Variants in MCM5 observed in about 807,000 individuals in gnomAD.
The protein encoded by MCM5 is DNA replication licensing factor MCM5.
In MCM5, 46 loss-of-function variants were observed where a neutral mutation model predicts 79.9. The ratio of observed to expected loss-of-function variants is 0.58; its 90% CI spans 0.45 to 0.74. The LOEUF (loss-of-function observed/expected upper bound fraction) is 0.74. Ranked by LOEUF, MCM5 falls within the 30% of genes least tolerant of loss-of-function variation. The pLI, the probability that MCM5 is intolerant of heterozygous loss-of-function variation, is 0.00. For missense variants in MCM5, 883 were observed against 1,017.0 expected, an observed-to-expected ratio of 0.87 and a Z score of 1.79; for synonymous variants, 404 against 390.5, an observed-to-expected ratio of 1.03 and a Z score of -0.41.
the MCM5 span, among the ~76,000 whole-genome samples, chr22:35,431,337 G>A: frequency 9.2e-5 from 14 of 152,278 alleles, no homozygotes; most frequent in African/African-American, 3.1e-4. Context: ...CCAAACCCAC[G>A]GATGCCCAAC....
At chr22:35,405,997 C>G (rs1038186509) in intron 4 of MCM5, among the ~76,000 whole-genome samples, 3 of 148,868 alleles carry the variant, frequency 2.0e-5, no homozygotes, top group African/African-American at 7.4e-5. Flanking sequence ...GGCGACACAG[C>G]AAGACTCTGT....
intron 5 of MCM5, 121 bp from the exon 6 acceptor site, chr22:35,408,287 A>T: frequency 1.2e-6 from 1 of 858,210 alleles, no homozygotes; most frequent in East Asian, 2.5e-5. Context: ...TCTCCAGCTT[A>T]TTCTGGAGAC....
chr22:35,406,187 G>C (rs1932205833), intron 4 of MCM5, among the ~76,000 whole-genome samples: 1 of 151,878 alleles, frequency 6.6e-6, no homozygotes, highest in South Asian at 2.1e-4. Context: ...TTTGTTCTGT[G>C]TTGTACTCTA....
chr22:35,421,583 C>A, intron 15 of MCM5, 123 bp downstream of exon 15: 1 of 1,364,494 alleles, frequency 7.3e-7, no homozygotes, highest in Non-Finnish European at 1.0e-6. Context: ...GTTTGCTGAG[C>A]TTCTCTGAGT....
chr22:35,444,274 G>A, the MCM5 span, among the ~76,000 whole-genome samples: 393 of 151,788 alleles, frequency 2.6e-3, 10 homozygotes, highest in East Asian at 1.9e-3. Flanking sequence ...GAGAGGTGGA[G>A]AGAGGGGGGC....
chr22:35,451,762 C>G, the MCM5 span, among the ~76,000 whole-genome samples: 1 of 152,222 alleles, frequency 6.6e-6, no homozygotes, highest in African/African-American at 2.4e-5. Context: ...GCAGCGGTTC[C>G]TGAGTGGGTA....
At chr22:35,443,668 C>T in the MCM5 span, among the ~76,000 whole-genome samples, 1 of 152,324 alleles carries the variant, frequency 6.6e-6, no homozygotes, top group South Asian at 2.1e-4. Flanking sequence ...CTGCTTGGAC[C>T]ACCTTCTGGT....
intron 14 of MCM5, 38 bp from the exon 15 acceptor site, chr22:35,421,280 G>A (rs777391054): frequency 4.1e-5 from 66 of 1,595,468 alleles, no homozygotes; most frequent in African/African-American, 5.4e-5. Context: ...AGGGAATAGC[G>A]GACCGAGGCT....
chr22:35,447,633 C>T, the MCM5 span, among the ~76,000 whole-genome samples: 11 of 152,174 alleles, frequency 7.2e-5, no homozygotes, highest in African/African-American at 1.4e-4. Context: ...TCACCATGCC[C>T]GTAATCTATT....
intron 5 of MCM5, among the ~76,000 whole-genome samples, chr22:35,407,144 G>A (rs1424659941): frequency 6.6e-6 from 1 of 152,164 alleles, no homozygotes; most frequent in African/African-American, 2.4e-5. Context: ...AGGGTATGTG[G>A]CCTCTTGGCT....
intron 5 of MCM5, among the ~76,000 whole-genome samples, chr22:35,407,141 G>A (rs1932242723): frequency 6.6e-6 from 1 of 152,182 alleles, no homozygotes. Context: ...GGCAGGGTAT[G>A]TGGCCTCTTG....
the MCM5 span, among the ~76,000 whole-genome samples, chr22:35,443,116 G>A: frequency 1.1e-4 from 17 of 152,240 alleles, no homozygotes; most frequent in Admixed American, 9.8e-4. Context: ...CACCTTCCTC[G>A]CCATTCCTCA....
At chr22:35,402,752 C>G (rs1162172352) in intron 2 of MCM5, among the ~76,000 whole-genome samples, 1 of 152,148 alleles carries the variant, frequency 6.6e-6, no homozygotes, top group African/African-American at 2.4e-5. Context: ...CCATGTGGCC[C>G]AGGCTGGTGT....
At chr22:35,413,532 G>A (rs4645786) in intron 8 of MCM5, among the ~76,000 whole-genome samples, 22 of 152,172 alleles carry the variant, frequency 1.4e-4, no homozygotes, top group Admixed American at 2.0e-4. Context: ...CTGCCGCACC[G>A]TGCACAGCCC....
rs986853571 is a variant in MCM5, at chr22:35,408,480, C to G, written c.669C>G (p.Asp223Glu). Reference sequence around the variant, plus strand: ...TGCCCGACAAATGCAAATGCGTGGACTTCCAGACCCTGAAGCTGCAGGAGC... The same window carrying G: ...TGCCCGACAAATGCAAATGCGTGGAGTTCCAGACCCTGAAGCTGCAGGAGC... ...FIMPDKCKCV[D>E]FQTLKLQELP... The change falls in exon 6 of 17, where the codon GAC becomes GAG. Residue 223 changes from aspartate to glutamate, a missense_variant. Asp to Glu is a conservative substitution (Grantham distance 45, BLOSUM62 2). Transcript: ENST00000216122. 6.2e-7 allele frequency: 1 copy of G among 1,614,250 alleles called. No homozygotes were observed. The highest frequency in any genetic ancestry group is 1.1e-5 in the South Asian group (1 of 91,084).
chr22:35,447,150 G>T, the MCM5 span, among the ~76,000 whole-genome samples: 1 of 152,184 alleles, frequency 6.6e-6, no homozygotes, highest in East Asian at 1.9e-4. Flanking sequence ...CCGGCTCTGG[G>T]TGGGAAACCT....
chr22:35,434,537 A>G, the MCM5 span, among the ~76,000 whole-genome samples: 1 of 152,228 alleles, frequency 6.6e-6, no homozygotes, highest in Non-Finnish European at 1.5e-5. Flanking sequence ...GCCAAGATCA[A>G]TTGGTCAGGT....
At chr22:35,429,527 T>G (rs1932799254), downstream of MCM5, among the ~76,000 whole-genome samples, 1 of 151,740 alleles carries the variant, frequency 6.6e-6, no homozygotes, top group Non-Finnish European at 1.5e-5. Flanking sequence ...CTCCTGCCCT[T>G]GTTTTTTGTT....
chr22:35,403,674 T>C, intron 4 of MCM5, 132 bp downstream of exon 4: 1 of 1,157,904 alleles, frequency 8.6e-7, no homozygotes, highest in Non-Finnish European at 1.2e-6. Flanking sequence ...GACAAAAGGA[T>C]CGTTTGTTGT....
Sources: allele counts gnomAD v4.1 joint callset (sites outside exome capture counted in the v4.1 genomes callset), GRCh38; gene constraint gnomAD v4.1.1; transcripts MANE v1.5; gene names NCBI Gene and HGNC (gene_info 2026-07-23, HGNC 2026-07-21).